The following DPF3 variants were observed in gnomAD, a reference collection of about 807,000 sequenced individuals.
The protein encoded by DPF3 is zinc finger protein DPF3.
In DPF3, 18 loss-of-function variants were observed where a neutral mutation model predicts 56.8. The ratio of observed to expected loss-of-function variants is 0.32; its 90% CI spans 0.22 to 0.47. The LOEUF is 0.47. DPF3 is among the 20% of genes least tolerant of loss of function. The pLI, the probability that DPF3 is intolerant of heterozygous loss-of-function variation, is 1.00. For synonymous variants in DPF3, 188 were observed against 180.2 expected (o/e 1.04, Z -0.35); for missense variants, 403 against 488.8 (o/e 0.82, Z 1.65).
intron 7 of DPF3, among the ~76,000 whole-genome samples, chr14:72,687,160 G>T (rs1469774423): frequency 6.6e-6 from 1 of 152,154 alleles, no homozygotes; most frequent in Non-Finnish European, 1.5e-5. Context: ...TAGAGCTGGG[G>T]CTCTTTTTTC....
At chr14:72,870,446 C>T (rs149115771) in intron 1 of DPF3, among the ~76,000 whole-genome samples, 80 of 152,338 alleles carry the variant, frequency 5.3e-4, no homozygotes, top group African/African-American at 1.8e-3. Context: ...CCTCTGTGTG[C>T]TGTGTTTCTA....
intron 1 of DPF3, among the ~76,000 whole-genome samples, chr14:72,834,110 G>A (rs1362870119): frequency 1.3e-5 from 2 of 151,890 alleles, no homozygotes; most frequent in Non-Finnish European, 2.9e-5. Flanking sequence ...CCTGGGAGGA[G>A]AAGGTTGCCG....
intron 4 of DPF3, among the ~76,000 whole-genome samples, chr14:72,730,344 G>A (rs1889588671): frequency 2.0e-5 from 3 of 152,144 alleles, no homozygotes; most frequent in African/African-American, 7.2e-5. Context: ...CAGTTAATGA[G>A]GATCTTCACT....
At chr14:72,737,778 G>A (rs991663700) in intron 3 of DPF3, among the ~76,000 whole-genome samples, 6 of 152,092 alleles carry the variant, frequency 3.9e-5, no homozygotes, top group East Asian at 1.9e-4. Flanking sequence ...GCATCCATCC[G>A]TCCATCCATC....
At chr14:72,663,446 A>G (rs2153569511) in intron 8 of DPF3, among the ~76,000 whole-genome samples, 1 of 152,234 alleles carries the variant, frequency 6.6e-6, no homozygotes, top group South Asian at 2.1e-4. Flanking sequence ...TTACTCGGAG[A>G]CAGTCCCCAA....
chr14:72,864,902 T>C (rs1175836834), intron 1 of DPF3, among the ~76,000 whole-genome samples: 2 of 151,366 alleles, frequency 1.3e-5, no homozygotes, highest in South Asian at 2.1e-4. Flanking sequence ...GGGGACAGAG[T>C]CCAGAGACAT....
At chr14:72,654,366 G>A (rs952711261) in intron 8 of DPF3, among the ~76,000 whole-genome samples, 3 of 151,940 alleles carry the variant, frequency 2.0e-5, no homozygotes, top group East Asian at 1.9e-4. Context: ...TACTTCCCCC[G>A]CTACTCCAAC....
At chr14:72,694,686 A>G (rs1277999143) in intron 6 of DPF3, among the ~76,000 whole-genome samples, 1 of 152,240 alleles carries the variant, frequency 6.6e-6, no homozygotes, top group African/African-American at 2.4e-5. Context: ...TGTAAGAACC[A>G]CCAAAACAAT....
chr14:72,627,167 T>C (rs1202739134), intron 9 of DPF3, among the ~76,000 whole-genome samples: 3 of 152,112 alleles, frequency 2.0e-5, no homozygotes, highest in Non-Finnish European at 4.4e-5. Flanking sequence ...TAGTCAGATA[T>C]ACCAACATTT....
intron 1 of DPF3, among the ~76,000 whole-genome samples, chr14:72,820,180 T>C (rs985184110): frequency 7.9e-5 from 12 of 152,332 alleles, no homozygotes; most frequent in Admixed American, 2.0e-4. Flanking sequence ...TAAAAGAACT[T>C]TTTAAAAGTC....
chr14:72,835,700 G>A (rs549919498), intron 1 of DPF3, among the ~76,000 whole-genome samples: 4 of 152,120 alleles, frequency 2.6e-5, no homozygotes, highest in Non-Finnish European at 4.4e-5. Context: ...ATGGAGCATC[G>A]GCCTCCCCTG....
At chr14:72,659,923 T>C (rs1361643611) in intron 8 of DPF3, among the ~76,000 whole-genome samples, 1 of 152,034 alleles carries the variant, frequency 6.6e-6, no homozygotes, top group Non-Finnish European at 1.5e-5. Flanking sequence ...CTTGAAGATA[T>C]TACACTAAAT....
Position 72,812,527 on chromosome 14 carries a change from G to A in DPF3, c.33-40634C>T, listed in dbSNP as rs145523454. The stretch of plus-strand genomic sequence containing the variant: ...TGGAGGCAGGGAGGCAAAGGGAACC[G>A]ACCCAGAACACTTCCCATGACGTCA... On this transcript the variant is annotated intron_variant, in intron 1 of 10. Coordinates refer to ENST00000556509, the MANE Select transcript of DPF3 (RefSeq NM_001280542.3). Among the ~76,000 whole-genome samples the A allele has an allele frequency of 5.9e-5, 9 of 152,230 alleles. No individual in the cohort carries two copies. In the East Asian group the frequency reaches 1.2e-3, roughly 20 times the overall value.
intron 1 of DPF3, chr14:72,836,004 C>G (rs1235674218): frequency 4.8e-5 from 47 of 978,008 alleles, no homozygotes; most frequent in Non-Finnish European, 2.4e-6. Flanking sequence ...TCCCAGACAT[C>G]CCGAGGGCCA....
intron 1 of DPF3, among the ~76,000 whole-genome samples, chr14:72,877,854 T>C (rs952482791): frequency 1.3e-5 from 2 of 152,270 alleles, no homozygotes; most frequent in South Asian, 2.1e-4. Context: ...TGTAATTAGA[T>C]AAAATGAGGA....
chr14:72,619,334 A>G lies in DPF3; in HGVS notation c.1100T>C (p.Leu367Pro). 1.3e-6 allele frequency: 2 copies of G among 1,536,124 alleles called. No individual in the cohort carries two copies. The highest frequency in any genetic ancestry group is 1.7e-6 in the Non-Finnish European group (2 of 1,146,908). Residue 367 changes from leucine (L) to proline (P), a missense_variant, in exon 11 of 11, where the codon CTC (leucine) becomes CCC (proline). Coordinates refer to ENST00000556509, the MANE Select transcript of DPF3 (RefSeq NM_001280542.3). ...SWSCHLCWEL[L>P]KEKASAFGCQ... ...GCCAAAGGCTGAGGCTTTCTCTTTG[A>G]GCAGTTCCCAGCATAAGTGGCAGCT...
intron 8 of DPF3, among the ~76,000 whole-genome samples, chr14:72,631,017 T>C (rs1433333883): frequency 6.6e-6 from 1 of 152,196 alleles, no homozygotes; most frequent in Non-Finnish European, 1.5e-5. Context: ...TTTCAAATCT[T>C]CAGAGAGCTG....
intron 6 of DPF3, among the ~76,000 whole-genome samples, chr14:72,698,449 T>C (rs1888006551): frequency 6.6e-6 from 1 of 152,122 alleles, no homozygotes; most frequent in South Asian, 2.1e-4. Context: ...GGGGCCAAGG[T>C]GGGAGGATCC....
At chr14:72,625,788 C>A (rs1213027630) in intron 9 of DPF3, among the ~76,000 whole-genome samples, 1 of 151,972 alleles carries the variant, frequency 6.6e-6, no homozygotes, top group Admixed American at 6.5e-5. Context: ...ATAGTGATAC[C>A]CACTATTCCA....
Sources: allele counts gnomAD v4.1 joint callset (sites outside exome capture counted in the v4.1 genomes callset), GRCh38; gene constraint gnomAD v4.1.1; transcripts MANE v1.5; gene names NCBI Gene and HGNC (gene_info 2026-07-23, HGNC 2026-07-21).